SNTG1: variants seen among roughly 807,000 people sequenced by gnomAD.
The protein encoded by SNTG1 is syntrophin gamma 1.
A neutral mutation model predicts 74.7 loss-of-function variants in SNTG1; 39 were observed. The observed-to-expected ratio is 0.52, with a 90% CI of 0.40 to 0.68. The LOEUF (loss-of-function observed/expected upper bound fraction) is 0.68, where lower values mean the gene tolerates loss of function less well. SNTG1 is among the 30% of genes least tolerant of loss of function. The probability of loss-of-function intolerance (pLI) is 0.00; values close to 1 mark genes in which losing one functional copy is unlikely to be tolerated. For synonymous variants in SNTG1, 254 were observed against 217.1 expected (o/e 1.17, Z -1.49); for missense variants, 685 against 609.5 (o/e 1.12, Z -1.30).
At chr8:50,584,010 A>T (rs1044445303) in intron 12 of SNTG1, among the ~76,000 whole-genome samples, 1 of 152,014 alleles carries the variant, frequency 6.6e-6, no homozygotes, top group Non-Finnish European at 1.5e-5. Context: ...CCTATGAGTG[A>T]GAACATGCGG....
intron 1 of SNTG1, among the ~76,000 whole-genome samples, chr8:50,149,165 G>A (rs2081975417): frequency 6.6e-6 from 1 of 152,156 alleles, no homozygotes. Flanking sequence ...TTTTTCATGT[G>A]TCTGTTGGCT....
intron 18 of SNTG1, among the ~76,000 whole-genome samples, chr8:50,780,195 T>C (rs2095654648): frequency 6.6e-6 from 1 of 152,220 alleles, no homozygotes; most frequent in Non-Finnish European, 1.5e-5. Flanking sequence ...CTGGCTTTGG[T>C]ATCAGGATGA....
chr8:50,036,379 A>T (rs1348616837), intron 1 of SNTG1, among the ~76,000 whole-genome samples: 1 of 152,176 alleles, frequency 6.6e-6, no homozygotes, highest in Non-Finnish European at 1.5e-5. Context: ...TGCTTAAAAC[A>T]TATTATCTTT....
At chr8:50,402,490 T>A in intron 4 of SNTG1, 146 bp downstream of exon 4, 1 of 975,872 alleles carries the variant, frequency 1.0e-6, no homozygotes, top group Non-Finnish European at 1.5e-6. Flanking sequence ...CATTAAGTAA[T>A]CAGCGGCCCT....
At chr8:50,197,641 G>A (rs980216175) in intron 2 of SNTG1, among the ~76,000 whole-genome samples, 2 of 152,038 alleles carry the variant, frequency 1.3e-5, no homozygotes, top group Non-Finnish European at 2.9e-5. Flanking sequence ...ATTTTGTATT[G>A]CCAGATTACT....
chr8:50,633,111 A>G (rs2095013922), intron 13 of SNTG1, among the ~76,000 whole-genome samples: 1 of 152,214 alleles, frequency 6.6e-6, no homozygotes, highest in Non-Finnish European at 1.5e-5. Context: ...TATTGATCAA[A>G]TTGTTCCTTC....
chr8:50,422,578 C>T (rs760054294), intron 4 of SNTG1, among the ~76,000 whole-genome samples: 4 of 148,426 alleles, frequency 2.7e-5, no homozygotes, highest in Non-Finnish European at 5.9e-5. Flanking sequence ...ATCAATCTCT[C>T]CAAAAGCTCA....
chr8:50,421,347 A>G (rs1376296939), intron 4 of SNTG1, among the ~76,000 whole-genome samples: 1 of 152,166 alleles, frequency 6.6e-6, no homozygotes, highest in Non-Finnish European at 1.5e-5. Context: ...AACAAGAGGC[A>G]AATTATTCAT....
At chr8:50,118,232 G>A (rs2080888590) in intron 1 of SNTG1, among the ~76,000 whole-genome samples, 1 of 152,022 alleles carries the variant, frequency 6.6e-6, no homozygotes, top group African/African-American at 2.4e-5. Context: ...AACCCAAAGA[G>A]TAGAAACCAT....
At chr8:50,744,592 C>A (rs903304054) in intron 17 of SNTG1, among the ~76,000 whole-genome samples, 11 of 151,766 alleles carry the variant, frequency 7.2e-5, no homozygotes, top group African/African-American at 2.7e-4. Flanking sequence ...CCCCAAATAC[C>A]CAAAACAATC....
At chr8:50,423,677 A>G (rs1051682831) in intron 4 of SNTG1, among the ~76,000 whole-genome samples, 1 of 152,222 alleles carries the variant, frequency 6.6e-6, no homozygotes, top group African/African-American at 2.4e-5. Context: ...CAAATAAATC[A>G]GTAAATTAAA....
intron 11 of SNTG1, among the ~76,000 whole-genome samples, chr8:50,547,850 A>T (rs1380430485): frequency 1.3e-5 from 2 of 152,186 alleles, no homozygotes; most frequent in African/African-American, 4.8e-5. Context: ...ATGTCATGAG[A>T]TATTCAAAAT....
chr8:50,106,334 A>T (rs894291349), intron 1 of SNTG1, among the ~76,000 whole-genome samples: 7 of 152,120 alleles, frequency 4.6e-5, no homozygotes, highest in African/African-American at 1.7e-4. Flanking sequence ...CATGGGGGGA[A>T]TCCACCTCCA....
At position 50,030,287 on chromosome 8, in the gene SNTG1, A is replaced by T. The variant is rs533137614; in HGVS notation, c.-103+118056A>T. 4.1e-3 allele frequency among the ~76,000 whole-genome samples: 621 copies of T among 152,066 alleles called. 2 individuals carry two copies. Among genetic ancestry groups the T allele is most frequent in the Non-Finnish European group, 7.2e-3 (487 of 67,934 alleles). On this transcript the variant is annotated intron_variant, in intron 1 of 18. Coordinates refer to ENST00000642720, the MANE Select transcript of SNTG1 (RefSeq NM_018967.5). ...GCATAGTTTGCAAATATTTTGTCCC[A>T]TTCTGTAGGTTGTCTCTTCACTTTA...
intron 2 of SNTG1, among the ~76,000 whole-genome samples, chr8:50,329,955 C>T (rs2090900576): frequency 6.6e-6 from 1 of 152,156 alleles, no homozygotes; most frequent in African/African-American, 2.4e-5. Flanking sequence ...AATTTGCCAC[C>T]AGTCTGTTTG....
intron 1 of SNTG1, among the ~76,000 whole-genome samples, chr8:49,977,840 T>G (rs894819404): frequency 6.6e-6 from 1 of 152,224 alleles, no homozygotes; most frequent in African/African-American, 2.4e-5. Flanking sequence ...TCAGAAGACA[T>G]GCAGACTCTG....
chr8:50,217,545 A>G (rs1405733146), intron 2 of SNTG1, among the ~76,000 whole-genome samples: 1 of 152,144 alleles, frequency 6.6e-6, no homozygotes, highest in Non-Finnish European at 1.5e-5. Flanking sequence ...GATTTAATAG[A>G]AAAAAGTCGA....
intron 1 of SNTG1, among the ~76,000 whole-genome samples, chr8:50,167,455 A>G (rs914792732): frequency 6.6e-6 from 1 of 151,822 alleles, no homozygotes; most frequent in African/African-American, 2.4e-5. Flanking sequence ...ATTCCTTCAA[A>G]TCACATTGAC....
chr8:50,544,945 C>CAT (rs1036587253), intron 11 of SNTG1, among the ~76,000 whole-genome samples: 87 of 151,888 alleles, frequency 5.7e-4, no homozygotes, highest in African/African-American at 2.0e-3. Flanking sequence ...TACACTATTG[C>CAT]ATATATATAT....
Sources: gnomAD v4.1 joint callset for allele counts (sites outside exome capture counted in the v4.1 genomes callset) on GRCh38, gnomAD v4.1.1 for gene constraint, MANE v1.5 for transcripts, NCBI Gene and HGNC (gene_info 2026-07-23, HGNC 2026-07-21) for gene names.